The following TBK1 variants were observed in gnomAD, a reference collection of about 807,000 sequenced individuals.
TBK1 encodes serine/threonine-protein kinase TBK1.
TBK1 carries 37 observed loss-of-function variants against 99.9 expected under a neutral mutation model. That is an observed-to-expected ratio of 0.37 (90% CI 0.28 to 0.49). The LOEUF (loss-of-function observed/expected upper bound fraction) is 0.49, where lower values mean the gene tolerates loss of function less well. TBK1 is among the 20% of genes least tolerant of loss of function. The pLI is 0.98. For missense variants in TBK1, 644 were observed against 872.5 expected (o/e 0.74, Z 3.30); for synonymous variants, 258 against 279.8 (o/e 0.92, Z 0.78).
chr12:64,491,672 C>A (rs1010051745), intron 13 of TBK1, among the ~76,000 whole-genome samples: 4 of 152,108 alleles, frequency 2.6e-5, no homozygotes, highest in African/African-American at 9.6e-5. Context: ...TTTTAGTATT[C>A]GAAGTATTCT....
intron 8 of TBK1, among the ~76,000 whole-genome samples, chr12:64,483,736 G>A (rs1013052420): frequency 2.6e-5 from 4 of 152,218 alleles, no homozygotes; most frequent in African/African-American, 9.6e-5. Flanking sequence ...GCCAGGCACA[G>A]TGGCTCACAC....
intron 5 of TBK1, 48 bp downstream of exon 5, chr12:64,467,130 T>G (rs1223292491): frequency 7.1e-7 from 1 of 1,405,966 alleles, no homozygotes; most frequent in African/African-American, 1.5e-5. Context: ...CTTGATATAT[T>G]GTAATTATAA....
intron 8 of TBK1, chr12:64,483,926 G>C (rs978222935): frequency 2.0e-5 from 3 of 153,750 alleles, no homozygotes; most frequent in African/African-American, 7.2e-5. Context: ...AGAATCGCTT[G>C]AATCCAGGAG....
rs1592369002 is a variant in TBK1, at chr12:64,484,458, G to T, written c.1148G>T (p.Ser383Ile). ...TTEENPIFVV[S>I]REPLNTIGLI... ...GAGGAAAACCCTATATTTGTAGTAA[G>T]CCGGGAACCTCTGAATACCATAGGA... Residue 383 changes from serine to isoleucine, a missense_variant, in exon 9 of 21, where the codon AGC (serine) becomes ATC (isoleucine). By Grantham distance (142) the Ser-to-Ile change is moderately radical (BLOSUM62 -2). Around this residue, in one of 3 missense-constraint regions of TBK1, gnomAD observed 465 missense variants for 588.0 expected, o/e 0.79. Coordinates refer to ENST00000331710, the MANE Select transcript of TBK1 (RefSeq NM_013254.4). 6.2e-7 allele frequency: 1 copy of T among 1,613,520 alleles called. No individual in the cohort carries two copies. The highest frequency in any genetic ancestry group is 8.5e-7 in the Non-Finnish European group (1 of 1,179,854).
chr12:64,490,260 A>T (rs2040856723), intron 13 of TBK1, 141 bp downstream of exon 13: 1 of 500,714 alleles, frequency 2.0e-6, no homozygotes, highest in South Asian at 4.0e-5. Context: ...AGGCAGGAGG[A>T]TCACTTGAGC....
intron 4 of TBK1, among the ~76,000 whole-genome samples, chr12:64,464,826 A>G (rs1447619764): frequency 6.6e-6 from 1 of 152,236 alleles, no homozygotes; most frequent in Admixed American, 6.5e-5. Context: ...CAAGTGGCTA[A>G]CAAGTACATA....
At chr12:64,487,374 G>A (rs1156253805) in intron 11 of TBK1, among the ~76,000 whole-genome samples, 7 of 152,036 alleles carry the variant, frequency 4.6e-5, no homozygotes, top group Admixed American at 1.3e-4. Flanking sequence ...TACCCACCCC[G>A]TCTTGCAAAA....
At chr12:64,453,206 C>T (rs967272186) in intron 1 of TBK1, among the ~76,000 whole-genome samples, 1 of 152,146 alleles carries the variant, frequency 6.6e-6, no homozygotes, top group Non-Finnish European at 1.5e-5. Context: ...AAGACATTTC[C>T]CCTGACCACT....
At chr12:64,458,283 A>G (rs2040510416) in intron 2 of TBK1, among the ~76,000 whole-genome samples, 1 of 152,170 alleles carries the variant, frequency 6.6e-6, no homozygotes, top group South Asian at 2.1e-4. Context: ...AACTATTTAA[A>G]GGATTTTTAC....
chr12:64,453,033 TG>T (rs1161846795), intron 1 of TBK1: 2 of 152,152 alleles, frequency 1.3e-5, no homozygotes, highest in African/African-American at 4.8e-5. Context: ...TTTTGGACGG[TG>T]TAAGGAAGTA....
intron 11 of TBK1, among the ~76,000 whole-genome samples, chr12:64,488,088 C>A (rs2040836029): frequency 6.6e-6 from 1 of 152,170 alleles, no homozygotes; most frequent in Admixed American, 6.6e-5. Flanking sequence ...TGGTCCCAAG[C>A]ATTTCAGATA....
intron 13 of TBK1, among the ~76,000 whole-genome samples, chr12:64,490,392 A>G (rs2040858069): frequency 6.6e-6 from 1 of 152,198 alleles, no homozygotes; most frequent in Non-Finnish European, 1.5e-5. Context: ...TAGAGATGAT[A>G]TTTCTCACTG....
chr12:64,497,348 T>A (rs951718685), intron 18 of TBK1, 89 bp downstream of exon 18: 2 of 959,988 alleles, frequency 2.1e-6, no homozygotes, highest in African/African-American at 1.7e-5. Flanking sequence ...AGAATGTGCC[T>A]ACATTCAGTT....
Position 64,501,424 on chromosome 12 carries a change from AAAT to A in TBK1, c.*46_*48del, listed in dbSNP as rs2040988636. ...AAGAAAAGTTTCCGTTTGCACAAGAAAATAACGCTTGGGCATTAAATGAATGCC... is the reference window on the plus strand; with the variant it reads ...AAGAAAAGTTTCCGTTTGCACAAGAAAACGCTTGGGCATTAAATGAATGCC... On this transcript the variant is annotated 3_prime_UTR_variant, in exon 21 of 21. Transcript: ENST00000331710. The A allele has an allele frequency of 1.9e-6, 3 of 1,596,472 alleles. No homozygotes were observed. The highest frequency in any genetic ancestry group is 2.6e-6 in the Non-Finnish European group (3 of 1,167,878).
chr12:64,454,904 C>G (rs1270565187), intron 1 of TBK1, among the ~76,000 whole-genome samples: 8 of 151,506 alleles, frequency 5.3e-5, no homozygotes, highest in South Asian at 4.2e-4. Flanking sequence ...GTCTCAATCT[C>G]CTGACCTCGT....
intron 5 of TBK1, among the ~76,000 whole-genome samples, chr12:64,470,738 C>T (rs919950028): frequency 3.3e-5 from 5 of 152,126 alleles, no homozygotes; most frequent in African/African-American, 9.7e-5. Context: ...GTCTGGTCTC[C>T]GCCTTTTCCA....
intron 20 of TBK1, among the ~76,000 whole-genome samples, chr12:64,500,545 C>T (rs576248124): frequency 6.6e-5 from 10 of 152,140 alleles, no homozygotes; most frequent in Admixed American, 3.9e-4. Flanking sequence ...CTGATGTAAT[C>T]GTATGACTTC....
At chr12:64,453,070 A>G (rs1465072882) in intron 1 of TBK1, among the ~76,000 whole-genome samples, 1 of 152,200 alleles carries the variant, frequency 6.6e-6, no homozygotes, top group East Asian at 1.9e-4. Flanking sequence ...CATCAGCAAC[A>G]TAGTTGTTGA....
At chr12:64,499,603 T>C (rs997623417) in intron 20 of TBK1, among the ~76,000 whole-genome samples, 1 of 152,052 alleles carries the variant, frequency 6.6e-6, no homozygotes, top group Non-Finnish European at 1.5e-5. Context: ...TATCTAACTT[T>C]TATAGTATCC....
Sources: gnomAD v4.1 joint callset for allele counts (sites outside exome capture counted in the v4.1 genomes callset) on GRCh38, gnomAD v4.1.1 for gene constraint, gnomAD v4.1.1 regional missense constraint, MANE v1.5 for transcripts, NCBI Gene and HGNC (gene_info 2026-07-23, HGNC 2026-07-21) for gene names.